GTPBP4: variants seen among roughly 807,000 people sequenced by gnomAD.
The protein encoded by GTPBP4 is GTP-binding protein 4.
GTPBP4 carries 15 observed loss-of-function variants against 81.7 expected under a neutral mutation model. That is an observed-to-expected ratio of 0.18 (90% CI 0.12 to 0.28). The LOEUF is 0.28. Ranked by LOEUF, GTPBP4 falls within the 10% of genes least tolerant of loss-of-function variation. The probability of loss-of-function intolerance (pLI) is 1.00; values close to 1 mark genes in which losing one functional copy is unlikely to be tolerated. For synonymous variants in GTPBP4, 272 were observed against 274.6 expected, an observed-to-expected ratio of 0.99 and a Z score of 0.09; for missense variants, 847 against 793.8, an observed-to-expected ratio of 1.07 and a Z score of -0.81.
At chr10:1,002,458 A>G (rs2620942) in intron 8 of GTPBP4, among the ~76,000 whole-genome samples, 118,222 of 152,164 alleles carry the variant, frequency 0.78, 46,402 homozygotes, top group East Asian at 0.9. Flanking sequence ...GCATCTCTTC[A>G]TTTTCAGTCT....
chr10:1,005,784 T>G, intron 8 of GTPBP4, 34 bp from the exon 9 acceptor site: 1 of 1,181,488 alleles, frequency 8.5e-7, no homozygotes, highest in Non-Finnish European at 1.3e-6. Context: ...TGGAAATGAA[T>G]AATACATCTC....
chr10:1,004,517 TGGGCGCCCCAG>T (rs934607660), intron 8 of GTPBP4, among the ~76,000 whole-genome samples: 1 of 151,178 alleles, frequency 6.6e-6, no homozygotes, highest in African/African-American at 2.5e-5. Flanking sequence ...GTGACTCTTC[TGGGCGCCCCAG>T]GCACCGTTGC....
intron 8 of GTPBP4, among the ~76,000 whole-genome samples, chr10:1,004,352 ATAGGG>A (rs1363208931): frequency 1.3e-5 from 2 of 151,914 alleles, no homozygotes; most frequent in Non-Finnish European, 2.9e-5. Context: ...AGCTCAGAAT[ATAGGG>A]TTAGTCCAGC....
intron 13 of GTPBP4, among the ~76,000 whole-genome samples, chr10:1,011,758 CCTCTGCTG>C (rs1388391765): frequency 6.6e-6 from 1 of 152,258 alleles, no homozygotes; most frequent in Non-Finnish European, 1.5e-5. Context: ...TCTGCTGTCA[CCTCTGCTG>C]GGGCCCCAGT....
At chr10:1,010,797 CA>C (rs1397479474) in intron 13 of GTPBP4, among the ~76,000 whole-genome samples, 1 of 147,400 alleles carries the variant, frequency 6.8e-6, no homozygotes, top group Non-Finnish European at 1.5e-5. Flanking sequence ...CGTTATCCTG[CA>C]CCCCTCCATC....
At chr10:1,012,307 G>C in intron 13 of GTPBP4, 158 bp from the exon 14 acceptor site, 1 of 535,302 alleles carries the variant, frequency 1.9e-6, no homozygotes, top group Non-Finnish European at 3.4e-6. Flanking sequence ...TCCCTGTGAG[G>C]TAAATGGCAC....
At chr10:1,002,808 T>A (rs1367494196) in intron 8 of GTPBP4, among the ~76,000 whole-genome samples, 1 of 152,246 alleles carries the variant, frequency 6.6e-6, no homozygotes, top group Non-Finnish European at 1.5e-5. Context: ...TTCTTATATG[T>A]GACTTCAAGC....
At chr10:1,001,571 T>G (rs1831633510) in intron 8 of GTPBP4, among the ~76,000 whole-genome samples, 1 of 152,234 alleles carries the variant, frequency 6.6e-6, no homozygotes, top group South Asian at 2.1e-4. Flanking sequence ...GGAGTGGCTT[T>G]CAAATTGTGG....
chr10:996,209 A>G lies in GTPBP4; in HGVS notation c.427A>G (p.Arg143Gly), dbSNP rs751584423. The part of the protein sequence containing the change: ...ALGRMCTVIK[R>G]QKQSLEYLEQ... ...GGGACGGATGTGCACAGTGATCAAG[A>G]GGCAGAAGCAGAGTTTGGAGTATTT... The change falls in exon 4 of 17, where the codon AGG becomes GGG. Residue 143 changes from arginine (R) to glycine (G), a missense_variant. Around this residue, in one of 3 missense-constraint regions of GTPBP4, gnomAD observed 241 missense variants for 216.3 expected, o/e 1.11. Transcript: ENST00000360803. 1.7e-5 allele frequency: 28 copies of G among 1,613,658 alleles called. No individual in the cohort carries two copies. The highest frequency in any genetic ancestry group is 2.3e-5 in the Non-Finnish European group (27 of 1,179,824).
rs1327998791 is a variant in GTPBP4 at position 1,011,099 on chromosome 10, C to CA, written c.1344+579_1344+580insA. Among the ~76,000 whole-genome samples the CA allele has an allele frequency of 1.5e-3, 154 of 104,424 alleles. 2 individuals are homozygous for CA. Among genetic ancestry groups the CA allele is most frequent in the Admixed American group, 2.4e-3 (25 of 10,398 alleles). 68.5% of individuals were successfully genotyped at this position (104,424 alleles called of 152,430 possible). A position where few individuals can be genotyped will look rare whatever the true frequency, so the allele number is the denominator to read the frequency against. ...TCCATCCTGACTGTGCCTCCTGCAC[C>CA]TCTTCCCCCCACCCCGAGACTCTGG... is the stretch of plus-strand genomic sequence containing the variant. On this transcript the variant is annotated intron_variant, in intron 13 of 16. Coordinates refer to ENST00000360803, the MANE Select transcript of GTPBP4 (RefSeq NM_012341.3).
At chr10:1,010,084 TCCACG>T (rs1387320744) in intron 12 of GTPBP4, among the ~76,000 whole-genome samples, 6 of 150,430 alleles carry the variant, frequency 4.0e-5, no homozygotes, top group South Asian at 2.2e-4. Context: ...TGTAGCTTTC[TCCACG>T]TGTGGGTGTT....
intron 1 of GTPBP4, among the ~76,000 whole-genome samples, chr10:991,656 G>A (rs1831444851): frequency 6.7e-6 from 1 of 148,206 alleles, no homozygotes; most frequent in South Asian, 2.2e-4. Context: ...TGGAAATTAA[G>A]ATAGCATCAA....
intron 10 of GTPBP4, among the ~76,000 whole-genome samples, chr10:1,007,715 C>G (rs1439845181): frequency 6.6e-6 from 1 of 152,252 alleles, no homozygotes; most frequent in Non-Finnish European, 1.5e-5. Context: ...AGACGCCTTC[C>G]TGGTGTGTGC....
Position 1,005,129 on chromosome 10 carries a change from G to GT in GTPBP4, c.913-681dup, listed in dbSNP as rs1166751411. Among the ~76,000 whole-genome samples, 160 of 151,882 alleles carry GT rather than the reference G, an allele frequency of 1.1e-3. 1 individual carries two copies. Among genetic ancestry groups the GT allele is most frequent in the African/African-American group, 3.7e-3 (151 of 41,336 alleles). On this transcript the variant is annotated intron_variant, in intron 8 of 16. Transcript: ENST00000360803. The stretch of plus-strand genomic sequence containing the variant: ...GGGTGGGTTGCTGGCGGCCCAGTGT[G>GT]TTTTTTTTGGTTTGTTTGTTTGTTT...
At chr10:1,012,718 G>C (rs148044082) in intron 14 of GTPBP4, 56 bp downstream of exon 14, 3 of 1,215,246 alleles carry the variant, frequency 2.5e-6, no homozygotes, top group South Asian at 2.7e-5. Context: ...TTGGATTCCT[G>C]TGTGATCATT....
chr10:992,856 G>A (rs138882447), intron 2 of GTPBP4, among the ~76,000 whole-genome samples, 197 bp downstream of exon 2: 1 of 152,200 alleles, frequency 6.6e-6, no homozygotes, highest in African/African-American at 2.4e-5. Flanking sequence ...TGATTCCCTA[G>A]TATTCTTTCT....
intron 10 of GTPBP4, chr10:1,008,150 C>A (rs745959792): frequency 6.6e-6 from 3 of 454,338 alleles, no homozygotes; most frequent in South Asian, 4.7e-5. Flanking sequence ...CAGTGGCTCA[C>A]GTCTGTAATC....
intron 5 of GTPBP4, 48 bp from the exon 6 acceptor site, chr10:998,955 T>C (rs753057229): frequency 1.3e-5 from 13 of 991,148 alleles, no homozygotes; most frequent in Non-Finnish European, 1.8e-5. Context: ...AGATCCCACG[T>C]GTACACAGAG....
chr10:1,009,127 G>A (rs1831804914), intron 11 of GTPBP4, 92 bp downstream of exon 11: 9 of 915,764 alleles, frequency 9.8e-6, no homozygotes, highest in Middle Eastern at 3.2e-4. Flanking sequence ...AACAGGAGCC[G>A]CGGGTGCCCA....
Sources: gnomAD v4.1 joint callset for allele counts (sites outside exome capture counted in the v4.1 genomes callset) on GRCh38, gnomAD v4.1.1 for gene constraint, gnomAD v4.1.1 regional missense constraint, MANE v1.5 for transcripts, NCBI Gene and HGNC (gene_info 2026-07-23, HGNC 2026-07-21) for gene names.